Variants in PALLD observed in about 807,000 individuals in gnomAD.
The protein encoded by PALLD is palladin.
Under a neutral mutation model 123.5 loss-of-function variants are expected in PALLD, and 61 were observed. The observed-to-expected ratio is 0.49, with a 90% CI of 0.40 to 0.61. The LOEUF is 0.61. Ranked by LOEUF, PALLD falls within the 20% of genes least tolerant of loss-of-function variation. PALLD has a pLI of 0.00. For missense variants in PALLD, 1,273 were observed against 1,377.0 expected (o/e 0.92, Z 1.20); for synonymous variants, 465 against 496.4 (o/e 0.94, Z 0.84).
At chr4:168,675,308 A>G (rs915705503) in intron 3 of PALLD, among the ~76,000 whole-genome samples, 17 of 152,220 alleles carry the variant, frequency 1.1e-4, no homozygotes, top group Non-Finnish European at 4.4e-5. Flanking sequence ...CGTGACACAG[A>G]TTGGCAGGTC....
Position 168,532,425 on chromosome 4 carries a change from C to T in PALLD, c.908+20013C>T, listed in dbSNP as rs1203155302. On this transcript the variant is annotated intron_variant, in intron 2 of 21. Coordinates refer to ENST00000505667, the MANE Select transcript of PALLD (RefSeq NM_001166108.2). ...TATTATAGGAAAACAAGAACTTGGC[C>T]TCTCTATCTCTACCAAAATGAATGA... Among the ~76,000 whole-genome samples the T allele has an allele frequency of 2.6e-5, 4 of 152,202 alleles. No individual in the cohort carries two copies. In the East Asian group the frequency reaches 7.7e-4, roughly 29 times the overall value.
intron 2 of PALLD, among the ~76,000 whole-genome samples, chr4:168,517,209 T>G (rs1466279334): frequency 6.6e-6 from 1 of 152,210 alleles, no homozygotes; most frequent in Non-Finnish European, 1.5e-5. Flanking sequence ...AAACAAAGCA[T>G]TCCTGTTTTA....
At chr4:168,834,813 T>G (rs1486773091) in intron 10 of PALLD, among the ~76,000 whole-genome samples, 1 of 152,234 alleles carries the variant, frequency 6.6e-6, no homozygotes, top group Non-Finnish European at 1.5e-5. Context: ...GTCTTAAGCC[T>G]TTAAAACTTT....
chr4:168,578,857 A>G (rs1465896930), intron 2 of PALLD, among the ~76,000 whole-genome samples: 1 of 152,108 alleles, frequency 6.6e-6, no homozygotes, highest in African/African-American at 2.4e-5. Flanking sequence ...TTTTAAACCT[A>G]TTACTTCCCA....
chr4:168,834,619 C>A (rs569217912), intron 10 of PALLD, among the ~76,000 whole-genome samples: 26 of 152,154 alleles, frequency 1.7e-4, no homozygotes, highest in Non-Finnish European at 3.2e-4. Context: ...TGCCTATAAC[C>A]CCAGCTACTC....
At chr4:168,694,760 A>C (rs1019662090) in intron 8 of PALLD, among the ~76,000 whole-genome samples, 2 of 151,944 alleles carry the variant, frequency 1.3e-5, no homozygotes, top group African/African-American at 4.8e-5. Flanking sequence ...TGTGTTTTAC[A>C]CTCCCCTCTC....
At chr4:168,706,087 T>G (rs1393192304) in intron 8 of PALLD, among the ~76,000 whole-genome samples, 2 of 152,194 alleles carry the variant, frequency 1.3e-5, no homozygotes, top group East Asian at 3.8e-4. Context: ...GTATGCTTAA[T>G]GTTGTGCAGC....
chr4:168,506,777 A>G (rs1215103955), intron 1 of PALLD, among the ~76,000 whole-genome samples: 1 of 152,034 alleles, frequency 6.6e-6, no homozygotes, highest in African/African-American at 2.4e-5. Context: ...CTTTCCTTCC[A>G]TGTAGCAATC....
chr4:168,600,601 A>G (rs1472187427), intron 2 of PALLD, among the ~76,000 whole-genome samples: 2 of 152,148 alleles, frequency 1.3e-5, no homozygotes, highest in Non-Finnish European at 2.9e-5. Flanking sequence ...TGTGACCAGA[A>G]CTTTAGGAAA....
At chr4:168,838,595 A>G (rs10032115) in intron 10 of PALLD, among the ~76,000 whole-genome samples, 96,503 of 150,784 alleles carry the variant, frequency 0.64, 31,729 homozygotes, top group African/African-American at 0.76. Flanking sequence ...GACTCTTAAC[A>G]TCCTTCCACA....
chr4:168,521,332 G>A (rs939155044), intron 2 of PALLD, among the ~76,000 whole-genome samples: 4 of 152,138 alleles, frequency 2.6e-5, no homozygotes, highest in South Asian at 4.1e-4. Flanking sequence ...GCTCCATCAC[G>A]CATCAGTTAG....
chr4:168,828,831 A>T (rs1362119098), intron 10 of PALLD: 4 of 152,282 alleles, frequency 2.6e-5, no homozygotes, highest in Non-Finnish European at 5.9e-5. Context: ...ACTCTGGCAG[A>T]TACAGCCAGC....
chr4:168,646,947 A>G (rs1174737572), intron 2 of PALLD, among the ~76,000 whole-genome samples: 2 of 152,204 alleles, frequency 1.3e-5, no homozygotes, highest in African/African-American at 2.4e-5. Flanking sequence ...AAAACTACCA[A>G]CAAATTTAAG....
intron 10 of PALLD, among the ~76,000 whole-genome samples, chr4:168,885,788 TAAACTGTG>T (rs764678389): frequency 2.6e-5 from 4 of 152,200 alleles, no homozygotes; most frequent in Non-Finnish European, 5.9e-5. Context: ...GAATGCAATA[TAAACTGTG>T]TAGTAGATTG....
intron 2 of PALLD, among the ~76,000 whole-genome samples, chr4:168,523,923 G>A (rs553475038): frequency 2.0e-5 from 3 of 152,174 alleles, no homozygotes; most frequent in Admixed American, 6.5e-5. Flanking sequence ...GAACCCTCAC[G>A]AAAGTTATTG....
chr4:168,794,474 ACACG>A (rs1375201596), intron 10 of PALLD, among the ~76,000 whole-genome samples: 1 of 146,776 alleles, frequency 6.8e-6, no homozygotes, highest in East Asian at 2.9e-4. Context: ...ACGTACGTGC[ACACG>A]CACACACACA....
intron 10 of PALLD, among the ~76,000 whole-genome samples, chr4:168,802,564 C>T (rs987447462): frequency 6.6e-6 from 1 of 152,174 alleles, no homozygotes; most frequent in East Asian, 1.9e-4. Flanking sequence ...ATAGACACTG[C>T]AGACGACTAG....
chr4:168,741,665 C>G (rs1053823816), intron 10 of PALLD, among the ~76,000 whole-genome samples: 1 of 151,944 alleles, frequency 6.6e-6, no homozygotes, highest in African/African-American at 2.4e-5. Context: ...GCCTAGACGA[C>G]AGAGTACAAT....
chr4:168,753,040 A>G (rs1455025733), intron 10 of PALLD, among the ~76,000 whole-genome samples: 2 of 152,182 alleles, frequency 1.3e-5, no homozygotes, highest in Non-Finnish European at 2.9e-5. Flanking sequence ...TTATGAGACA[A>G]TGGCAAAGCG....
Sources: gnomAD v4.1 joint callset for allele counts (sites outside exome capture counted in the v4.1 genomes callset) on GRCh38, gnomAD v4.1.1 for gene constraint, MANE v1.5 for transcripts, NCBI Gene and HGNC (gene_info 2026-07-23, HGNC 2026-07-21) for gene names.